Variants in TPST2 observed in about 807,000 individuals in gnomAD.
TPST2 encodes the protein protein-tyrosine sulfotransferase 2.
A neutral mutation model predicts 27.8 loss-of-function variants in TPST2; 16 were observed. The ratio of observed to expected loss-of-function variants is 0.58; its 90% CI spans 0.39 to 0.88. TPST2 has a LOEUF of 0.88. Ranked by LOEUF, TPST2 falls within the 40% of genes least tolerant of loss-of-function variation. The probability of loss-of-function intolerance (pLI) is 0.00; values close to 1 mark genes in which losing one functional copy is unlikely to be tolerated. For synonymous variants in TPST2, 229 were observed against 231.7 expected (o/e 0.99, Z 0.10); for missense variants, 464 against 543.1 (o/e 0.85, Z 1.45).
Position 26,522,472 on chromosome 22 carries a change from A to C in TPST2, c.*3803T>G, listed in dbSNP as rs944336163. ...ATGGAACCCCCAAGAAAGGCTCTAG[A>C]ACAAAGCTCTGATTTCACAGTGAGA... On this transcript the variant is annotated 3_prime_UTR_variant, in exon 7 of 7. Transcript: ENST00000338754. The C allele has an allele frequency of 6.6e-5, 10 of 152,314 alleles. No individual in the cohort carries two copies. Among genetic ancestry groups the C allele is most frequent in the African/African-American group, 1.9e-4 (8 of 41,560 alleles). The allele number at this position is 152,314 out of a possible 1,614,324, so 9.4% of individuals were successfully genotyped here.
chr22:26,531,415 T>A (rs1030694240), intron 5 of TPST2, among the ~76,000 whole-genome samples: 3 of 152,164 alleles, frequency 2.0e-5, no homozygotes, highest in African/African-American at 4.8e-5. Flanking sequence ...AAAATTGCAA[T>A]GAACATTCCT....
chr22:26,576,965 A>G (rs768924171), intron 1 of TPST2, among the ~76,000 whole-genome samples: 6 of 151,940 alleles, frequency 3.9e-5, no homozygotes, highest in Admixed American at 6.6e-5. Context: ...GCGTGGTGGC[A>G]GATGCCTGTA....
At chr22:26,575,097 G>A (rs140457510) in intron 1 of TPST2, among the ~76,000 whole-genome samples, 2 of 152,122 alleles carry the variant, frequency 1.3e-5, no homozygotes, top group African/African-American at 4.8e-5. Context: ...ATCTAGGTTT[G>A]ACTCCCGCCC....
chr22:26,536,541 C>T lies in TPST2; in HGVS notation c.843-55G>A, dbSNP rs547724213. ...AGGGCAGACCCAGATGGCGCCTGAGCGGATTCCCTGCTCAGCCACTCTGGG... is the reference window on the plus strand; with the variant it reads ...AGGGCAGACCCAGATGGCGCCTGAGTGGATTCCCTGCTCAGCCACTCTGGG... On this transcript the variant is annotated intron_variant, in intron 3 of 6. Coordinates refer to ENST00000338754, the MANE Select transcript of TPST2 (RefSeq NM_003595.5). The T allele has an allele frequency of 1.4e-4, 198 of 1,404,250 alleles. 3 individuals carry two copies. The South Asian group carries it at 3.1e-3, about 22-fold the overall frequency. The allele number at this position is 1,404,250 out of a possible 1,614,324, so 87.0% of individuals were successfully genotyped here. A position where few individuals can be genotyped will look rare whatever the true frequency, so the allele number is the denominator to read the frequency against.
intron 1 of TPST2, among the ~76,000 whole-genome samples, chr22:26,558,959 C>T (rs1926943910): frequency 6.6e-6 from 1 of 152,226 alleles, no homozygotes; most frequent in African/African-American, 2.4e-5. Flanking sequence ...CTGATCCTGA[C>T]ATTATTTACA....
At chr22:26,569,152 C>T (rs1463011314) in intron 1 of TPST2, among the ~76,000 whole-genome samples, 7 of 152,092 alleles carry the variant, frequency 4.6e-5, no homozygotes, top group African/African-American at 9.7e-5. Context: ...TGTGAGCCAC[C>T]GCGCCCAGCC....
At chr22:26,575,629 T>C (rs1333388104) in intron 1 of TPST2, among the ~76,000 whole-genome samples, 3 of 152,196 alleles carry the variant, frequency 2.0e-5, no homozygotes. Context: ...GTGCTCATAT[T>C]TGCTGCAGAA....
chr22:26,568,285 A>G lies in TPST2; in HGVS notation c.-161+21768T>C, dbSNP rs535672012. ...ACACCTGTGATGAGCGAAACAAGTC[A>G]GCACAAGAAAGACCATAACGCGTGG... On this transcript the variant is annotated intron_variant, in intron 1 of 6. Transcript: ENST00000338754. Among the ~76,000 whole-genome samples the G allele has an allele frequency of 7.2e-5, 11 of 152,394 alleles. No homozygotes were observed. In the East Asian group the frequency reaches 1.9e-3, roughly 27 times the overall value.
chr22:26,541,650 A>G lies in TPST2; in HGVS notation c.-20T>C. 1 of 1,541,112 alleles carries G rather than the reference A, an allele frequency of 6.5e-7. No homozygotes were observed. The highest frequency in any genetic ancestry group is 8.7e-7 in the Non-Finnish European group (1 of 1,150,422). ...GCGCATGCTGGGCCGGAGGCAGGGT[A>G]GGCCTGGCCTGAGGGCCCGCTTCTG... is the stretch of plus-strand genomic sequence containing the variant. On this transcript the variant is annotated 5_prime_UTR_variant, in exon 3 of 7. Coordinates refer to ENST00000338754, the MANE Select transcript of TPST2 (RefSeq NM_003595.5). The surrounding 1 kb of genome is among the most constrained non-coding windows in gnomAD (Gnocchi z 5.9).
chr22:26,541,529 C>A lies in TPST2; in HGVS notation c.102G>T (p.Val34=). ...LGQQVLECRA[V]LAGLRSPRGA... is the part of the protein sequence containing the mutation. The stretch of plus-strand genomic sequence containing the variant: ...CCCGGGGGCTCCGCAGGCCCGCCAG[C>A]ACCGCCCGGCACTCTAGCACCTGCT... The change falls in exon 3 of 7, where the codon GTG becomes GTT. Residue 34 remains valine (V), a synonymous_variant. Transcript: ENST00000338754. This position sits in a 1 kb window ranked among gnomAD's most constrained non-coding sequence, Gnocchi z 5.9. 6.2e-7 allele frequency: 1 copy of A among 1,611,688 alleles called. No homozygotes were observed. The highest frequency in any genetic ancestry group is 8.5e-7 in the Non-Finnish European group (1 of 1,179,162).
At chr22:26,563,453 C>T (rs1285541847) in intron 1 of TPST2, among the ~76,000 whole-genome samples, 2 of 151,866 alleles carry the variant, frequency 1.3e-5, no homozygotes, top group Non-Finnish European at 2.9e-5. Flanking sequence ...CTCAGCCTCC[C>T]AAGTAGCTGG....
At chr22:26,564,051 C>A (rs1366379388) in intron 1 of TPST2, among the ~76,000 whole-genome samples, 1 of 152,200 alleles carries the variant, frequency 6.6e-6, no homozygotes, top group African/African-American at 2.4e-5. Context: ...CCCTTCTGCA[C>A]CAACTTTGTG....
chr22:26,550,814 C>G (rs1926427177), intron 1 of TPST2, among the ~76,000 whole-genome samples: 1 of 151,620 alleles, frequency 6.6e-6, no homozygotes, highest in Non-Finnish European at 1.5e-5. Context: ...AATCAGGGAC[C>G]TCTGACCTAT....
Position 26,523,573 on chromosome 22 carries a change from ATTTTATTTTG to A in TPST2, c.*2692_*2701del, listed in dbSNP as rs1924669751. On this transcript the variant is annotated 3_prime_UTR_variant, in exon 7 of 7. Transcript: ENST00000338754. ...GGGGCTAGAAACAGAAATTGTATTT[ATTTTATTTTG>A]TTTTATTTATTTTATTTTTGAGATG... is the stretch of plus-strand genomic sequence containing the variant. 2.6e-5 allele frequency: 4 copies of A among 152,090 alleles called. No homozygotes were observed. Among genetic ancestry groups the A allele is most frequent in the Admixed American group, 2.6e-4 (4 of 15,256 alleles). 9.4% of individuals were successfully genotyped at this position (152,090 alleles called of 1,614,324 possible).
intron 1 of TPST2, among the ~76,000 whole-genome samples, chr22:26,560,100 T>C (rs1159982935): frequency 1.3e-5 from 2 of 152,200 alleles, no homozygotes; most frequent in Non-Finnish European, 2.9e-5. Flanking sequence ...GGAGAAAGCC[T>C]GGGCGAGCTC....
At chr22:26,557,636 A>G (rs1372239215) in intron 1 of TPST2, among the ~76,000 whole-genome samples, 1 of 151,780 alleles carries the variant, frequency 6.6e-6, no homozygotes, top group East Asian at 1.9e-4. Flanking sequence ...AATTGTGAGC[A>G]TTGGTCTGGT....
At chr22:26,562,888 G>A (rs1006680094) in intron 1 of TPST2, among the ~76,000 whole-genome samples, 8 of 152,162 alleles carry the variant, frequency 5.3e-5, no homozygotes, top group African/African-American at 1.7e-4. Context: ...CTCCCAAAGT[G>A]CTGGGACCAG....
chr22:26,567,315 C>A (rs1205565786), intron 1 of TPST2, among the ~76,000 whole-genome samples: 1 of 152,220 alleles, frequency 6.6e-6, no homozygotes, highest in African/African-American at 2.4e-5. Flanking sequence ...GGTGCAGTCC[C>A]CTCCAAGGGT....
At chr22:26,562,448 A>G (rs1927153690) in intron 1 of TPST2, among the ~76,000 whole-genome samples, 1 of 152,152 alleles carries the variant, frequency 6.6e-6, no homozygotes, top group African/African-American at 2.4e-5. Flanking sequence ...TACTTTTAAG[A>G]TGCACCTAAT....
Sources: allele counts gnomAD v4.1 joint callset (sites outside exome capture counted in the v4.1 genomes callset), GRCh38; gene constraint gnomAD v4.1.1; non-coding constraint Gnocchi (gnomAD v3.1); transcripts MANE v1.5; gene names NCBI Gene and HGNC (gene_info 2026-07-23, HGNC 2026-07-21).